Variants in PPM1L observed in about 807,000 individuals in gnomAD.
The protein encoded by PPM1L is protein phosphatase 1L.
PPM1L carries 13 observed loss-of-function variants against 31.4 expected under a neutral mutation model. The observed-to-expected ratio is 0.41, with a 90% CI of 0.27 to 0.66. The LOEUF is 0.66. Among genes scored for constraint, PPM1L ranks in the 30% least tolerant of loss-of-function variants. PPM1L has a pLI of 0.29. For missense variants in PPM1L, 326 were observed against 453.7 expected, an observed-to-expected ratio of 0.72 and a Z score of 2.56; for synonymous variants, 184 against 175.4, an observed-to-expected ratio of 1.05 and a Z score of -0.39.
intron 2 of PPM1L, among the ~76,000 whole-genome samples, chr3:161,037,249 C>T (rs997599903): frequency 2.6e-5 from 4 of 152,076 alleles, no homozygotes; most frequent in Non-Finnish European, 5.9e-5. Context: ...TGGTTTGCTC[C>T]TTTGCTCTTT....
At chr3:160,818,701 A>G (rs868671796) in intron 1 of PPM1L, among the ~76,000 whole-genome samples, 22 of 151,786 alleles carry the variant, frequency 1.4e-4, no homozygotes, top group African/African-American at 5.3e-4. Flanking sequence ...AATTTTATTC[A>G]TTTATTTAGT....
At chr3:160,961,942 TC>T (rs1217865229) in intron 2 of PPM1L, 32 bp downstream of exon 2, 2 of 1,508,894 alleles carry the variant, frequency 1.3e-6, no homozygotes, top group Non-Finnish European at 1.8e-6. Context: ...ACATTTTTTT[TC>T]CTTGCAAAAA....
chr3:161,001,553 T>C (rs1717481978), intron 2 of PPM1L, among the ~76,000 whole-genome samples: 1 of 152,124 alleles, frequency 6.6e-6, no homozygotes, highest in Non-Finnish European at 1.5e-5. Context: ...TTACACAGTT[T>C]TAAAGCAAAC....
intron 1 of PPM1L, among the ~76,000 whole-genome samples, chr3:160,830,049 A>T (rs1443598118): frequency 6.6e-6 from 1 of 152,204 alleles, no homozygotes; most frequent in Admixed American, 6.5e-5. Flanking sequence ...AAACAAGAAG[A>T]AATCCCAAAG....
chr3:161,025,347 TGA>T (rs1718348037), intron 2 of PPM1L, among the ~76,000 whole-genome samples: 1 of 152,094 alleles, frequency 6.6e-6, no homozygotes, highest in Non-Finnish European at 1.5e-5. Context: ...AAGAATCACT[TGA>T]GGCCAGGAGT....
At chr3:160,783,600 CAA>C (rs59293706) in intron 1 of PPM1L, among the ~76,000 whole-genome samples, 73 of 110,756 alleles carry the variant, frequency 6.6e-4, no homozygotes, top group Admixed American at 8.0e-4. Flanking sequence ...AACTCCATCT[CAA>C]AAAAAAAAAA....
At chr3:161,027,850 C>G (rs1718452734) in intron 2 of PPM1L, among the ~76,000 whole-genome samples, 1 of 152,184 alleles carries the variant, frequency 6.6e-6, no homozygotes, top group African/African-American at 2.4e-5. Flanking sequence ...GAGAACTCAG[C>G]TGGTCAAGCT....
At chr3:160,904,150 C>T (rs1179621779) in intron 1 of PPM1L, among the ~76,000 whole-genome samples, 1 of 152,100 alleles carries the variant, frequency 6.6e-6, no homozygotes, top group East Asian at 1.9e-4. Context: ...AAACCCTCTT[C>T]AGAAGCAATG....
intron 1 of PPM1L, among the ~76,000 whole-genome samples, chr3:160,832,362 C>G: frequency 6.6e-6 from 1 of 151,182 alleles, no homozygotes; most frequent in Non-Finnish European, 1.5e-5. Context: ...GAAGGGGATT[C>G]TAGGTGGAGG....
intron 1 of PPM1L, among the ~76,000 whole-genome samples, chr3:160,775,933 A>T (rs921072397): frequency 6.6e-6 from 1 of 152,212 alleles, no homozygotes; most frequent in Non-Finnish European, 1.5e-5. Context: ...TAGACTTGAG[A>T]TTTAGAACTC....
chr3:160,940,349 A>G (rs1420946282), intron 1 of PPM1L, among the ~76,000 whole-genome samples: 2 of 152,234 alleles, frequency 1.3e-5, no homozygotes, highest in Non-Finnish European at 2.9e-5. Flanking sequence ...CAAGGAGCCT[A>G]ATGTTCATCC....
intron 1 of PPM1L, among the ~76,000 whole-genome samples, chr3:160,941,095 G>A (rs1715147947): frequency 6.6e-6 from 1 of 152,150 alleles, no homozygotes; most frequent in Non-Finnish European, 1.5e-5. Flanking sequence ...GACTTGCATG[G>A]ACTCTGTAAC....
intron 2 of PPM1L, among the ~76,000 whole-genome samples, chr3:161,005,263 G>C (rs180832118): frequency 6.6e-6 from 1 of 152,212 alleles, no homozygotes; most frequent in East Asian, 1.9e-4. Context: ...TTGCACTGTG[G>C]ATCTTTCTAA....
intron 2 of PPM1L, among the ~76,000 whole-genome samples, chr3:161,005,565 C>G (rs922306549): frequency 6.6e-6 from 1 of 152,076 alleles, no homozygotes; most frequent in Admixed American, 6.6e-5. Context: ...CCAGCCTTGC[C>G]TGCGTTTAAA....
intron 2 of PPM1L, among the ~76,000 whole-genome samples, chr3:161,044,647 G>T (rs1470224873): frequency 6.6e-6 from 1 of 152,052 alleles, no homozygotes; most frequent in Non-Finnish European, 1.5e-5. Context: ...GGAACAACCA[G>T]TACCAGCCAC....
At chr3:161,066,497 G>A (rs1446470463) in intron 3 of PPM1L, among the ~76,000 whole-genome samples, 1 of 152,200 alleles carries the variant, frequency 6.6e-6, no homozygotes, top group East Asian at 1.9e-4. Flanking sequence ...TAAGTAGTGT[G>A]GCCTGTGTGG....
At chr3:160,796,800 G>T (rs1712262680) in intron 1 of PPM1L, among the ~76,000 whole-genome samples, 1 of 152,200 alleles carries the variant, frequency 6.6e-6, no homozygotes, top group Non-Finnish European at 1.5e-5. Flanking sequence ...GAATAAAAGA[G>T]ATAATGTGCT....
rs972093311 is a variant in PPM1L, at chr3:161,045,529, T to C, written c.575-19874T>C. Reference sequence around the variant, plus strand: ...CCTGCTCCTGAATGACTACTGGGTGTATAACGAAATGAAGGCAGAAATAAA... The same window carrying C: ...CCTGCTCCTGAATGACTACTGGGTGCATAACGAAATGAAGGCAGAAATAAA... On this transcript the variant is annotated intron_variant, in intron 2 of 3. Coordinates refer to ENST00000498165, the MANE Select transcript of PPM1L (RefSeq NM_139245.4). Among the ~76,000 whole-genome samples the C allele has an allele frequency of 7.2e-5, 11 of 152,206 alleles. No individual in the cohort carries two copies. In the East Asian group the frequency reaches 9.7e-4, roughly 13 times the overall value.
chr3:160,885,896 C>A (rs1712900820), intron 1 of PPM1L, among the ~76,000 whole-genome samples: 1 of 152,212 alleles, frequency 6.6e-6, no homozygotes, highest in Non-Finnish European at 1.5e-5. Context: ...ATGTGAGCTC[C>A]TTGGGGGAGG....
Sources: allele counts gnomAD v4.1 joint callset (sites outside exome capture counted in the v4.1 genomes callset), GRCh38; gene constraint gnomAD v4.1.1; transcripts MANE v1.5; gene names NCBI Gene and HGNC (gene_info 2026-07-23, HGNC 2026-07-21).